NEO1: variants seen among roughly 807,000 people sequenced by gnomAD.
The protein encoded by NEO1 is neogenin 1, also known as neogenin.
In NEO1, 63 loss-of-function variants were observed where a neutral mutation model predicts 159.7. That is an observed-to-expected ratio of 0.39 (90% confidence interval 0.32 to 0.49). The LOEUF (loss-of-function observed/expected upper bound fraction) is 0.49, where lower values mean the gene tolerates loss of function less well. NEO1 is among the 20% of genes least tolerant of loss of function. The pLI is 0.85. For synonymous variants in NEO1, 633 were observed against 662.0 expected (o/e 0.96, Z 0.67); for missense variants, 1,615 against 1,831.0 (o/e 0.88, Z 2.15).
chr15:73,157,915 T>TA (rs1304966778), intron 5 of NEO1, among the ~76,000 whole-genome samples: 2,149 of 150,880 alleles, frequency 0.014, 19 homozygotes, highest in South Asian at 0.018. Flanking sequence ...ATTGTTCTTT[T>TA]AAAAAAAAAA....
intron 14 of NEO1, among the ~76,000 whole-genome samples, chr15:73,259,978 T>C: frequency 6.6e-6 from 1 of 152,182 alleles, no homozygotes; most frequent in Non-Finnish European, 1.5e-5. Context: ...AATTTATTTT[T>C]CTCCATTGGG....
At chr15:73,156,601 C>A (rs1227757022) in intron 5 of NEO1, among the ~76,000 whole-genome samples, 1 of 152,180 alleles carries the variant, frequency 6.6e-6, no homozygotes, top group African/African-American at 2.4e-5. Flanking sequence ...TCAGTTGTTG[C>A]AATGGGCTGT....
At chr15:73,100,696 T>C (rs1489464956) in intron 1 of NEO1, among the ~76,000 whole-genome samples, 1 of 152,202 alleles carries the variant, frequency 6.6e-6, no homozygotes, top group Non-Finnish European at 1.5e-5. Context: ...AAAAGTTTAA[T>C]TTCAAATGTC....
chr15:73,107,323 T>C (rs760364964), intron 1 of NEO1, among the ~76,000 whole-genome samples: 1 of 152,208 alleles, frequency 6.6e-6, no homozygotes, highest in Non-Finnish European at 1.5e-5. Flanking sequence ...CGAAGATTGA[T>C]GAAGTGTAGT....
intron 5 of NEO1, among the ~76,000 whole-genome samples, chr15:73,170,998 C>CG (rs934525326): frequency 6.8e-5 from 10 of 146,874 alleles, no homozygotes; most frequent in African/African-American, 1.8e-4. Context: ...GAAGTAGTCT[C>CG]GGGGGAAAAA....
intron 7 of NEO1, chr15:73,221,691 C>G (rs1239615164): frequency 2.6e-5 from 4 of 153,562 alleles, no homozygotes; most frequent in Non-Finnish European, 4.3e-5. Flanking sequence ...GACTGCTGTG[C>G]TAGCAAACGG....
intron 1 of NEO1, among the ~76,000 whole-genome samples, chr15:73,064,721 C>A (rs929847304): frequency 6.6e-6 from 1 of 152,074 alleles, no homozygotes. Flanking sequence ...CCTGCCTTGG[C>A]CCCCCAAAGT....
intron 1 of NEO1, among the ~76,000 whole-genome samples, chr15:73,086,413 C>G (rs934867547): frequency 1.6e-4 from 25 of 152,006 alleles, no homozygotes; most frequent in Non-Finnish European, 3.7e-4. Context: ...ATTCTACTTT[C>G]TTTCTTTTTC....
At chr15:73,121,228 A>G (rs921001885) in intron 2 of NEO1, among the ~76,000 whole-genome samples, 1 of 152,148 alleles carries the variant, frequency 6.6e-6, no homozygotes, top group Non-Finnish European at 1.5e-5. Context: ...TCCTCCTCCC[A>G]CACATACTCT....
chr15:73,204,220 T>G (rs984653988), intron 7 of NEO1, among the ~76,000 whole-genome samples: 1 of 151,804 alleles, frequency 6.6e-6, no homozygotes, highest in Non-Finnish European at 1.5e-5. Context: ...GGTAGGGTGG[T>G]TTTTTTTATT....
At chr15:73,145,312 G>A (rs2032795703) in intron 5 of NEO1, among the ~76,000 whole-genome samples, 1 of 152,152 alleles carries the variant, frequency 6.6e-6, no homozygotes, top group Admixed American at 6.5e-5. Context: ...AAAATTATAT[G>A]GGGATTCTCA....
chr15:73,225,617 C>T (rs1442985033), intron 7 of NEO1, among the ~76,000 whole-genome samples: 1 of 152,128 alleles, frequency 6.6e-6, no homozygotes, highest in Non-Finnish European at 1.5e-5. Context: ...CCCACGCAAA[C>T]CAAAGGGCCA....
intron 7 of NEO1, among the ~76,000 whole-genome samples, chr15:73,226,472 G>A (rs1349585803): frequency 1.3e-5 from 2 of 152,166 alleles, no homozygotes; most frequent in Non-Finnish European, 2.9e-5. Flanking sequence ...GATCAAATAA[G>A]AATGAGAAAT....
intron 4 of NEO1, 124 bp downstream of exon 4, chr15:73,126,694 A>G: frequency 1.3e-6 from 1 of 779,888 alleles, no homozygotes; most frequent in Non-Finnish European, 1.9e-6. Context: ...TAATGCTCAT[A>G]TGTCATCCTT....
intron 2 of NEO1, among the ~76,000 whole-genome samples, chr15:73,121,002 C>A (rs1460749130): frequency 6.6e-6 from 1 of 151,936 alleles, no homozygotes; most frequent in Admixed American, 6.6e-5. Context: ...TTTTTCGGAG[C>A]CAGTAAGAGT....
intron 8 of NEO1, among the ~76,000 whole-genome samples, chr15:73,240,005 G>A (rs2039411465): frequency 6.6e-6 from 1 of 152,124 alleles, no homozygotes; most frequent in Non-Finnish European, 1.5e-5. Context: ...GACATCTAGT[G>A]GATAGAGGCC....
At chr15:73,244,843 C>G (rs1195861805) in intron 9 of NEO1, among the ~76,000 whole-genome samples, 4 of 148,344 alleles carry the variant, frequency 2.7e-5, no homozygotes, top group African/African-American at 7.5e-5. Flanking sequence ...CCCAGCTACT[C>G]GGGAGAATAG....
intron 1 of NEO1, among the ~76,000 whole-genome samples, chr15:73,058,554 A>G (rs936501589): frequency 1.3e-5 from 2 of 152,178 alleles, no homozygotes; most frequent in Non-Finnish European, 2.9e-5. Context: ...GGATTCCCCC[A>G]TATAGGATTG....
chr15:73,153,103 C>T (rs2033508751), intron 5 of NEO1, among the ~76,000 whole-genome samples: 1 of 152,124 alleles, frequency 6.6e-6, no homozygotes, highest in Non-Finnish European at 1.5e-5. Flanking sequence ...ACCAGGAGTG[C>T]TGAGGGTAGG....
Sources: gnomAD v4.1 joint callset for allele counts (sites outside exome capture counted in the v4.1 genomes callset) on GRCh38, gnomAD v4.1.1 for gene constraint, MANE v1.5 for transcripts, NCBI Gene and HGNC (gene_info 2026-07-23, HGNC 2026-07-21) for gene names.